Variants in CDH18 observed in about 807,000 individuals in gnomAD.
CDH18 encodes cadherin 18.
A neutral mutation model predicts 67.9 loss-of-function variants in CDH18; 31 were observed. That is an observed-to-expected ratio of 0.46 (90% confidence interval 0.34 to 0.62). The LOEUF is 0.62. CDH18 is among the 20% of genes least tolerant of loss of function. CDH18 has a pLI of 0.01. For missense variants in CDH18, 890 were observed against 975.5 expected (o/e 0.91, Z 1.17); for synonymous variants, 362 against 347.2 (o/e 1.04, Z -0.48).
At chr5:20,296,892 T>C (rs1747582894) in intron 1 of CDH18, among the ~76,000 whole-genome samples, 1 of 151,904 alleles carries the variant, frequency 6.6e-6, no homozygotes, top group Non-Finnish European at 1.5e-5. Context: ...TTCTTCAGAT[T>C]ATTAGTGTAA....
chr5:19,962,378 C>CAAAAAAAAAAAAAAAAAAAAAAA (rs3065078), intron 2 of CDH18, among the ~76,000 whole-genome samples: 1 of 51,592 alleles, frequency 1.9e-5, no homozygotes, highest in Non-Finnish European at 3.3e-5. Flanking sequence ...CGTCAAAAAG[C>CAAAAAAAAAAAAAAAAAAAAAAA]AAAAAAAAAA....
intron 3 of CDH18, among the ~76,000 whole-genome samples, chr5:19,769,623 A>G (rs1413383676): frequency 5.9e-5 from 9 of 152,100 alleles, no homozygotes; most frequent in Non-Finnish European, 1.3e-4. Context: ...AAAAGCCTAA[A>G]TGTAATAGAT....
intron 2 of CDH18, among the ~76,000 whole-genome samples, chr5:20,204,737 CA>C (rs1370979944): frequency 6.6e-6 from 1 of 151,506 alleles, no homozygotes; most frequent in African/African-American, 2.4e-5. Context: ...AATTGCGAAA[CA>C]AAAAATCAAA....
At chr5:20,467,630 A>G (rs77167455) in intron 1 of CDH18, among the ~76,000 whole-genome samples, 2 of 152,216 alleles carry the variant, frequency 1.3e-5, no homozygotes, top group African/African-American at 4.8e-5. Flanking sequence ...TGACTTTTTC[A>G]CCACTGTACC....
chr5:19,976,084 G>A (rs970769102), intron 2 of CDH18, among the ~76,000 whole-genome samples: 24 of 152,190 alleles, frequency 1.6e-4, no homozygotes, highest in South Asian at 1.0e-3. Flanking sequence ...TCGACCCAGT[G>A]AAATTCATAT....
intron 3 of CDH18, among the ~76,000 whole-genome samples, chr5:19,799,754 T>C (rs1193805518): frequency 6.6e-6 from 1 of 152,160 alleles, no homozygotes; most frequent in East Asian, 1.9e-4. Flanking sequence ...CGGTGACTAG[T>C]TGACACTGAA....
At chr5:20,265,466 C>A (rs1744960998) in intron 1 of CDH18, among the ~76,000 whole-genome samples, 1 of 151,650 alleles carries the variant, frequency 6.6e-6, no homozygotes, top group Non-Finnish European at 1.5e-5. Context: ...AAGAAACATT[C>A]AAAATAAAAG....
At chr5:20,065,320 C>A (rs553096440) in intron 2 of CDH18, among the ~76,000 whole-genome samples, 1 of 151,834 alleles carries the variant, frequency 6.6e-6, no homozygotes, top group South Asian at 2.1e-4. Flanking sequence ...ATTGATTTGG[C>A]TTAAAATGTT....
intron 2 of CDH18, among the ~76,000 whole-genome samples, chr5:19,935,970 A>G (rs912187172): frequency 1.3e-5 from 2 of 150,612 alleles, no homozygotes; most frequent in African/African-American, 4.9e-5. Context: ...AATAGCTGTT[A>G]TTTTCCCAGT....
chr5:20,568,395 CTTTA>C (rs1758631636), intron 1 of CDH18, among the ~76,000 whole-genome samples: 1 of 152,042 alleles, frequency 6.6e-6, no homozygotes, highest in Non-Finnish European at 1.5e-5. Context: ...TGAAGGAAAA[CTTTA>C]TTAAGTAATG....
intron 1 of CDH18, among the ~76,000 whole-genome samples, chr5:20,462,684 T>G (rs1751356647): frequency 1.3e-5 from 2 of 152,182 alleles, no homozygotes; most frequent in Non-Finnish European, 2.9e-5. Flanking sequence ...ATATGCCTGT[T>G]GCTGTTAAAG....
intron 11 of CDH18, among the ~76,000 whole-genome samples, chr5:19,485,594 A>G (rs1487564340): frequency 3.9e-5 from 6 of 152,168 alleles, no homozygotes; most frequent in Admixed American, 3.9e-4. Flanking sequence ...TAGAGAAAGA[A>G]GTGGAGAAAT....
chr5:19,572,323 C>T (rs954941334), intron 7 of CDH18, among the ~76,000 whole-genome samples: 2 of 152,182 alleles, frequency 1.3e-5, no homozygotes, highest in African/African-American at 4.8e-5. Context: ...TCCACTGATG[C>T]TGGTCTTCCT....
At chr5:20,465,908 A>G (rs1410354369) in intron 1 of CDH18, among the ~76,000 whole-genome samples, 200 of 152,194 alleles carry the variant, frequency 1.3e-3, no homozygotes, top group Non-Finnish European at 2.5e-3. Context: ...GTAATTTAAA[A>G]TATCAGTTGT....
intron 1 of CDH18, among the ~76,000 whole-genome samples, chr5:20,548,396 G>A (rs1581184374): frequency 6.6e-6 from 1 of 151,336 alleles, no homozygotes; most frequent in Non-Finnish European, 1.5e-5. Flanking sequence ...ACTTATTCAG[G>A]AAGTAAATGC....
At chr5:19,647,097 G>A (rs1400077571) in intron 5 of CDH18, among the ~76,000 whole-genome samples, 1 of 152,026 alleles carries the variant, frequency 6.6e-6, no homozygotes, top group African/African-American at 2.4e-5. Context: ...GAGTTCATAA[G>A]ATAAAGATGC....
intron 2 of CDH18, among the ~76,000 whole-genome samples, chr5:19,851,469 C>A (rs888655729): frequency 4.0e-5 from 6 of 148,452 alleles, no homozygotes; most frequent in Non-Finnish European, 7.4e-5. Flanking sequence ...TTCTTCCCTT[C>A]TACCTTCCAA....
At chr5:20,240,514 T>A (rs1470522031) in intron 2 of CDH18, among the ~76,000 whole-genome samples, 1 of 152,160 alleles carries the variant, frequency 6.6e-6, no homozygotes, top group Admixed American at 6.5e-5. Flanking sequence ...CAGCAAAATT[T>A]CATTACTTCC....
At chr5:20,533,742 A>G (rs961609558) in intron 1 of CDH18, among the ~76,000 whole-genome samples, 1 of 152,076 alleles carries the variant, frequency 6.6e-6, no homozygotes, top group Non-Finnish European at 1.5e-5. Context: ...ATATTGATAT[A>G]AACATCTTAA....
Sources: gnomAD v4.1 joint callset for allele counts (sites outside exome capture counted in the v4.1 genomes callset) on GRCh38, gnomAD v4.1.1 for gene constraint, MANE v1.5 for transcripts, NCBI Gene and HGNC (gene_info 2026-07-23, HGNC 2026-07-21) for gene names.